Variants in KAZN observed in about 807,000 individuals in gnomAD.
KAZN encodes the protein kazrin.
KAZN carries 40 observed loss-of-function variants against 87.4 expected under a neutral mutation model. The ratio of observed to expected loss-of-function variants is 0.46; its 90% CI spans 0.36 to 0.60. KAZN has a LOEUF of 0.60. Among genes scored for constraint, KAZN ranks in the 20% least tolerant of loss-of-function variants. The probability of loss-of-function intolerance (pLI) is 0.00; values close to 1 mark genes in which losing one functional copy is unlikely to be tolerated. For synonymous variants in KAZN, 466 were observed against 458.3 expected (o/e 1.02, Z -0.22); for missense variants, 898 against 1,073.9 (o/e 0.84, Z 2.29).
rs572554352 is a variant in KAZN, at chr1:14,436,354, G to A, written c.250-162629G>A. Among the ~76,000 whole-genome samples, 7 of 149,988 alleles carry A rather than the reference G, an allele frequency of 4.7e-5. No homozygotes were observed. In the East Asian group the frequency reaches 1.0e-3, roughly 21 times the overall value. ...GAGGATGATGATGATGACCATGGCA[G>A]TGCTGGTGGTGGTGGTGGTGGTGGA... On this transcript the variant is annotated intron_variant, in intron 2 of 16. Coordinates refer to the KAZN transcript ENST00000636203.
intron 2 of KAZN, among the ~76,000 whole-genome samples, chr1:14,196,225 A>G (rs1646523264): frequency 3.3e-5 from 5 of 152,290 alleles, no homozygotes; most frequent in South Asian, 4.1e-4. Flanking sequence ...TAAGCCATTT[A>G]TGGCTTTGAA....
intron 2 of KAZN, among the ~76,000 whole-genome samples, chr1:14,213,423 G>A (rs1646895901): frequency 6.6e-6 from 1 of 152,182 alleles, no homozygotes; most frequent in South Asian, 2.1e-4. Context: ...CCTGTTTGTA[G>A]CACAGGCCTG....
chr1:14,980,443 C>G (rs1666118398), intron 2 of KAZN, among the ~76,000 whole-genome samples: 1 of 152,136 alleles, frequency 6.6e-6, no homozygotes, highest in Non-Finnish European at 1.5e-5. Flanking sequence ...ATGGCATAGG[C>G]AAAAGTGTGC....
intron 1 of KAZN, among the ~76,000 whole-genome samples, chr1:14,676,361 C>T (rs149038017): frequency 2.4e-4 from 37 of 152,290 alleles, no homozygotes; most frequent in African/African-American, 7.9e-4. Flanking sequence ...TTAGGAGGAT[C>T]GACTTTGATT....
chr1:14,878,308 G>C (rs181811284), intron 1 of KAZN, among the ~76,000 whole-genome samples: 2 of 139,260 alleles, frequency 1.4e-5, no homozygotes, highest in Non-Finnish European at 3.3e-5. Context: ...ACAGTTCTTT[G>C]GGGGGGTGGC....
intron 2 of KAZN, among the ~76,000 whole-genome samples, chr1:14,264,716 A>G (rs998934353): frequency 6.6e-6 from 1 of 152,224 alleles, no homozygotes; most frequent in Non-Finnish European, 1.5e-5. Context: ...CATCTGTAGT[A>G]TTCTGTTACA....
At chr1:14,060,382 AAGAAT>A (rs1163443502) in intron 1 of KAZN, among the ~76,000 whole-genome samples, 2 of 150,244 alleles carry the variant, frequency 1.3e-5, no homozygotes, top group Non-Finnish European at 3.0e-5. Flanking sequence ...AAAAAAAAAA[AAGAAT>A]GAGGGTTTCA....
At chr1:14,002,246 A>G (rs1040139392) in intron 1 of KAZN, among the ~76,000 whole-genome samples, 4 of 152,252 alleles carry the variant, frequency 2.6e-5, no homozygotes, top group African/African-American at 4.8e-5. Context: ...AAACATATGA[A>G]AAAAAGCTCA....
At chr1:14,734,315 T>C (rs1404100265) in intron 1 of KAZN, among the ~76,000 whole-genome samples, 1 of 149,884 alleles carries the variant, frequency 6.7e-6, no homozygotes, top group Non-Finnish European at 1.5e-5. Context: ...TTTCTTTTTT[T>C]TTTTTTTTTT....
intron 2 of KAZN, among the ~76,000 whole-genome samples, chr1:14,195,079 A>G (rs1646499000): frequency 6.6e-6 from 1 of 152,228 alleles, no homozygotes; most frequent in Admixed American, 6.5e-5. Flanking sequence ...AGACCAATAC[A>G]TTCTCATAGA....
At chr1:14,166,706 G>A (rs754360656) in intron 1 of KAZN, among the ~76,000 whole-genome samples, 2 of 151,844 alleles carry the variant, frequency 1.3e-5, no homozygotes, top group African/African-American at 2.4e-5. Flanking sequence ...AACATTCTTG[G>A]GCATTTTAGT....
chr1:14,397,973 C>A (rs765302630), intron 2 of KAZN, among the ~76,000 whole-genome samples: 1 of 151,958 alleles, frequency 6.6e-6, no homozygotes, highest in Non-Finnish European at 1.5e-5. Flanking sequence ...ACATATGGAG[C>A]CAAAATACCT....
intron 2 of KAZN, among the ~76,000 whole-genome samples, chr1:14,540,394 G>A (rs1040077976): frequency 3.3e-5 from 5 of 152,276 alleles, no homozygotes; most frequent in Admixed American, 1.3e-4. Flanking sequence ...CTGAGGCCCC[G>A]CGGGGTTAAG....
intron 2 of KAZN, among the ~76,000 whole-genome samples, chr1:14,374,291 AGAGAGCTAATCTCACAAT>A: frequency 1.3e-5 from 2 of 152,324 alleles, no homozygotes; most frequent in South Asian, 2.1e-4. Context: ...AAGAGGCAGG[AGAGAGCTAATCTCACAAT>A]GATCATCAGG....
intron 2 of KAZN, among the ~76,000 whole-genome samples, chr1:15,012,546 A>G (rs1404706992): frequency 1.3e-5 from 2 of 152,230 alleles, no homozygotes; most frequent in Non-Finnish European, 2.9e-5. Context: ...CAGGCCCTCA[A>G]TGCAGGGCAC....
At chr1:14,691,928 CTT>C (rs34159268) in intron 1 of KAZN, among the ~76,000 whole-genome samples, 19,027 of 144,396 alleles carry the variant, frequency 0.13, 1,567 homozygotes, top group East Asian at 0.18. Flanking sequence ...CAATTTCTTC[CTT>C]TTTTTTTTTT....
At chr1:14,546,325 G>A (rs1392898406) in intron 2 of KAZN, among the ~76,000 whole-genome samples, 1 of 152,096 alleles carries the variant, frequency 6.6e-6, no homozygotes, top group East Asian at 1.9e-4. Context: ...GAGAGAAAAT[G>A]GAAACAAATT....
At chr1:14,702,760 G>T (rs373642319) in intron 1 of KAZN, among the ~76,000 whole-genome samples, 1 of 152,112 alleles carries the variant, frequency 6.6e-6, no homozygotes, top group African/African-American at 2.4e-5. Context: ...TGGCCCTTTC[G>T]CCATGCTCTG....
chr1:14,934,617 T>G (rs1660239541), intron 1 of KAZN, among the ~76,000 whole-genome samples: 1 of 152,220 alleles, frequency 6.6e-6, no homozygotes, highest in Admixed American at 6.5e-5. Context: ...GGAGACAACC[T>G]TTCCTTCAGT....
Sources: gnomAD v4.1 joint callset for allele counts (sites outside exome capture counted in the v4.1 genomes callset) on GRCh38, gnomAD v4.1.1 for gene constraint, MANE v1.5 for transcripts, NCBI Gene and HGNC (gene_info 2026-07-23, HGNC 2026-07-21) for gene names.